Variants in IL1RAPL1 observed in about 807,000 individuals in gnomAD.
IL1RAPL1 encodes the protein interleukin 1 receptor accessory protein like 1, also known as interleukin-1 receptor accessory protein-like 1.
IL1RAPL1 carries 3 observed loss-of-function variants against 48.4 expected under a neutral mutation model. The observed-to-expected ratio is 0.06, with a 90% confidence interval of 0.03 to 0.16. IL1RAPL1 has a LOEUF of 0.16. IL1RAPL1 is among the 10% of genes least tolerant of loss of function. IL1RAPL1 has a pLI of 1.00. For missense variants in IL1RAPL1, 349 were observed against 530.6 expected (o/e 0.66, Z 3.36); for synonymous variants, 185 against 187.7 (o/e 0.99, Z 0.12).
chrX:29,744,320 T>C (rs1339293172), intron 6 of IL1RAPL1, among the ~76,000 whole-genome samples: 2 of 111,963 alleles, frequency 1.8e-5, no homozygotes, highest in Admixed American at 1.9e-4. Flanking sequence ...GCATCCATTC[T>C]AGAAGGAAGA....
intron 2 of IL1RAPL1, among the ~76,000 whole-genome samples, chrX:29,269,779 A>G (rs996101509): frequency 9.0e-6 from 1 of 110,915 alleles, no homozygotes; most frequent in Non-Finnish European, 1.9e-5. Context: ...TATAATTGAT[A>G]TACAATTAAT....
intron 3 of IL1RAPL1, among the ~76,000 whole-genome samples, chrX:29,371,584 A>G (rs903910588): frequency 9.0e-6 from 1 of 111,134 alleles, no homozygotes; most frequent in Non-Finnish European, 1.9e-5. Context: ...TTCAAAGCAC[A>G]CTCTGTCCTT....
At chrX:28,744,420 G>A (rs1935947818) in intron 1 of IL1RAPL1, among the ~76,000 whole-genome samples, 1 of 111,411 alleles carries the variant, frequency 9.0e-6, no homozygotes, top group Admixed American at 9.6e-5. Context: ...TTTGCCCGAG[G>A]TCACACAGGT....
At chrX:29,251,531 A>G (rs1602135561) in intron 2 of IL1RAPL1, among the ~76,000 whole-genome samples, 1 of 111,687 alleles carries the variant, frequency 9.0e-6, no homozygotes, top group Non-Finnish European at 1.9e-5. Flanking sequence ...ATCTGTCTAC[A>G]TAGATATAGA....
At chrX:28,855,385 TG>T (rs759645376) in intron 2 of IL1RAPL1, among the ~76,000 whole-genome samples, 40 of 110,233 alleles carry the variant, frequency 3.6e-4, no homozygotes, top group Middle Eastern at 9.3e-3. Flanking sequence ...GTACTAATAA[TG>T]GCTAGAAAAG....
At chrX:29,601,730 A>G (rs952498699) in intron 5 of IL1RAPL1, among the ~76,000 whole-genome samples, 2 of 112,391 alleles carry the variant, frequency 1.8e-5, no homozygotes, top group East Asian at 2.8e-4. Context: ...GCTTCTGTCT[A>G]TAAGTGAAAT....
intron 2 of IL1RAPL1, among the ~76,000 whole-genome samples, chrX:29,095,490 T>C (rs1202878906): frequency 8.9e-6 from 1 of 111,898 alleles, no homozygotes; most frequent in Non-Finnish European, 1.9e-5. Flanking sequence ...GCTTCAGGGT[T>C]TGAGAATCCT....
intron 6 of IL1RAPL1, among the ~76,000 whole-genome samples, chrX:29,827,564 G>A (rs1277643852): frequency 1.8e-5 from 2 of 111,750 alleles, no homozygotes; most frequent in African/African-American, 6.5e-5. Context: ...ACCAGAGAAG[G>A]CCTCTCTGAT....
chrX:29,011,534 G>A (rs1454332914), intron 2 of IL1RAPL1, among the ~76,000 whole-genome samples: 2 of 112,475 alleles, frequency 1.8e-5, no homozygotes, highest in Non-Finnish European at 3.8e-5. Context: ...TGCACATTGT[G>A]TGATTCCATG....
chrX:28,762,823 C>CACACAGAGAG (rs1268556014), intron 1 of IL1RAPL1, among the ~76,000 whole-genome samples: 3 of 36,778 alleles, frequency 8.2e-5, no homozygotes, highest in South Asian at 1.5e-3. Flanking sequence ...CACACACACA[C>CACACAGAGAG]AGAGAGAGAG....
chrX:29,010,785 G>A (rs1321695462), intron 2 of IL1RAPL1, among the ~76,000 whole-genome samples: 1 of 111,406 alleles, frequency 9.0e-6, no homozygotes, highest in Non-Finnish European at 1.9e-5. Flanking sequence ...GACTGGCTTT[G>A]TCACTTATTA....
At chrX:29,201,593 A>G (rs1483024863) in intron 2 of IL1RAPL1, among the ~76,000 whole-genome samples, 1 of 112,241 alleles carries the variant, frequency 8.9e-6, no homozygotes, top group South Asian at 3.6e-4. Context: ...ACATAGAACC[A>G]TTGTCAAGAT....
intron 2 of IL1RAPL1, among the ~76,000 whole-genome samples, chrX:28,940,571 CG>C (rs1569204119): frequency 9.1e-6 from 1 of 110,495 alleles, no homozygotes; most frequent in East Asian, 2.8e-4. Context: ...TTTTAGAAGA[CG>C]TCATTATGTG....
chrX:29,326,059 T>C (rs1932840691), intron 3 of IL1RAPL1, among the ~76,000 whole-genome samples: 2 of 112,159 alleles, frequency 1.8e-5, no homozygotes, highest in Non-Finnish European at 3.8e-5. Flanking sequence ...TATTTCACCA[T>C]AAGATTTGGA....
chrX:29,129,045 T>TTC (rs1458686529), intron 2 of IL1RAPL1, among the ~76,000 whole-genome samples: 3 of 98,974 alleles, frequency 3.0e-5, no homozygotes, highest in African/African-American at 1.1e-4. Flanking sequence ...GAATCTTTTT[T>TTC]TTTTTTTTTT....
At chrX:29,504,526 A>G (rs1935308171) in intron 5 of IL1RAPL1, among the ~76,000 whole-genome samples, 1 of 111,698 alleles carries the variant, frequency 9.0e-6, no homozygotes. Context: ...GTGTTGGGTA[A>G]ATAGGTATTT....
intron 8 of IL1RAPL1, among the ~76,000 whole-genome samples, chrX:29,939,547 T>C (rs1933089397): frequency 9.0e-6 from 1 of 111,721 alleles, no homozygotes; most frequent in Non-Finnish European, 1.9e-5. Context: ...GAAGAGCTTT[T>C]TGTATTTTGT....
intron 8 of IL1RAPL1, among the ~76,000 whole-genome samples, chrX:29,922,388 G>A (rs976774806): frequency 1.6e-4 from 18 of 111,591 alleles, no homozygotes; most frequent in African/African-American, 5.5e-4. Flanking sequence ...TTATACCAAC[G>A]GCATTTTATT....
At chrX:29,225,235 G>A (rs1361863692) in intron 2 of IL1RAPL1, among the ~76,000 whole-genome samples, 1 of 112,260 alleles carries the variant, frequency 8.9e-6, no homozygotes, top group African/African-American at 3.2e-5. Context: ...AATTGAAATA[G>A]GAATATTTTT....
Sources: allele counts gnomAD v4.1 joint callset (sites outside exome capture counted in the v4.1 genomes callset), GRCh38; gene constraint gnomAD v4.1.1; transcripts MANE v1.5; gene names NCBI Gene and HGNC (gene_info 2026-07-23, HGNC 2026-07-21).